The following PRKX variants were observed in gnomAD, a reference collection of about 807,000 sequenced individuals.
The protein encoded by PRKX is cAMP-dependent protein kinase catalytic subunit PRKX.
Under a neutral mutation model 22.0 loss-of-function variants are expected in PRKX, and 12 were observed. The ratio of observed to expected loss-of-function variants is 0.54; its 90% confidence interval spans 0.35 to 0.88. The LOEUF is 0.88. Ranked by LOEUF, PRKX falls within the 40% of genes least tolerant of loss-of-function variation. The probability of loss-of-function intolerance (pLI) is 0.01; values close to 1 mark genes in which losing one functional copy is unlikely to be tolerated. For synonymous variants in PRKX, 134 were observed against 137.7 expected (o/e 0.97, Z 0.19); for missense variants, 217 against 308.0 (o/e 0.70, Z 2.21).
chrX:3,652,625 C>A (rs1237721969), intron 3 of PRKX, among the ~76,000 whole-genome samples: 2 of 111,442 alleles, frequency 1.8e-5, no homozygotes, highest in African/African-American at 6.6e-5. Context: ...TAACTGTTTT[C>A]TCCTCAATGG....
At position 3,612,184 on chromosome X, in the gene PRKX, A is replaced by G; in HGVS notation, c.*16T>C. 8.3e-7 allele frequency: 1 copy of G among 1,204,569 alleles called. No individual in the cohort carries two copies. Among genetic ancestry groups the G allele is most frequent in the Non-Finnish European group, 1.1e-6 (1 of 892,158 alleles). On this transcript the variant is annotated 3_prime_UTR_variant, in exon 8 of 9. Transcript: ENST00000262848. ...CTAAATATAAAGATATACCTTCCAGATGTGAGCTCCTGTCCTCAGAAATTC... is the reference window on the plus strand; with the variant it reads ...CTAAATATAAAGATATACCTTCCAGGTGTGAGCTCCTGTCCTCAGAAATTC...
chrX:3,693,336 G>T (rs1252766355), intron 1 of PRKX, among the ~76,000 whole-genome samples: 3 of 111,461 alleles, frequency 2.7e-5, no homozygotes, highest in African/African-American at 9.8e-5. Context: ...TGGAGATGGA[G>T]GGTTAAAGTC....
At chrX:3,712,974 T>C (rs759548434) in intron 1 of PRKX, 114 bp downstream of exon 1, 2 of 886,964 alleles carry the variant, frequency 2.3e-6, no homozygotes, top group South Asian at 3.0e-5. Context: ...CGAGCCGAAG[T>C]AGCGGGTCAG....
intron 1 of PRKX, among the ~76,000 whole-genome samples, chrX:3,682,037 C>A (rs6641836): frequency 0.13 from 14,988 of 111,114 alleles, 943 homozygotes; most frequent in East Asian, 0.41. Flanking sequence ...AACACAGGGA[C>A]CGTGACATGG....
At position 3,658,692 on chromosome X, in the gene PRKX, A is replaced by C. The variant is rs1339702789; in HGVS notation, c.336-3280T>G. 5.4e-5 allele frequency among the ~76,000 whole-genome samples: 6 copies of C among 111,107 alleles called. No homozygotes were observed. The East Asian group carries it at 1.7e-3, about 31-fold the overall frequency. On this transcript the variant is annotated intron_variant, in intron 2 of 8. Transcript: ENST00000262848. ...AGACACCCAATAGAATCAGGAGCATAAAGGTCTTCAACCATGACCAGGACC... is the reference window on the plus strand; with the variant it reads ...AGACACCCAATAGAATCAGGAGCATCAAGGTCTTCAACCATGACCAGGACC...
chrX:3,666,185 C>G (rs1428205408), intron 2 of PRKX, among the ~76,000 whole-genome samples: 1 of 96,370 alleles, frequency 1.0e-5, no homozygotes. Context: ...GACAGAGTCT[C>G]GCTCTGTTAC....
intron 4 of PRKX, among the ~76,000 whole-genome samples, chrX:3,633,795 G>A (rs1926834177): frequency 9.0e-6 from 1 of 111,032 alleles, no homozygotes; most frequent in Non-Finnish European, 1.9e-5. Flanking sequence ...TCTGAGGACC[G>A]GGGCTGGCCT....
At chrX:3,675,840 C>T (rs962750851) in intron 1 of PRKX, among the ~76,000 whole-genome samples, 17 of 111,327 alleles carry the variant, frequency 1.5e-4, no homozygotes, top group African/African-American at 5.6e-4. Flanking sequence ...AGTGCAGTGG[C>T]GCCATCACAG....
intron 2 of PRKX, chrX:3,670,172 A>G (rs948707633): frequency 8.1e-6 from 1 of 123,998 alleles, no homozygotes; most frequent in African/African-American, 3.2e-5. Context: ...TGAGCAAGGC[A>G]ACTTACATTT....
intron 6 of PRKX, among the ~76,000 whole-genome samples, chrX:3,618,406 T>C (rs1313600727): frequency 4.5e-5 from 5 of 111,352 alleles, no homozygotes; most frequent in Middle Eastern, 4.6e-3. Flanking sequence ...TCACTTGAGC[T>C]CAGGAGCTCG....
intron 4 of PRKX, among the ~76,000 whole-genome samples, chrX:3,628,469 T>C (rs1249695076): frequency 1.8e-5 from 2 of 112,186 alleles, no homozygotes; most frequent in African/African-American, 6.5e-5. Context: ...GATTACTCCA[T>C]TCTTTGTATC....
chrX:3,614,226 A>G (rs6420577), intron 7 of PRKX, among the ~76,000 whole-genome samples: 52,452 of 111,634 alleles, frequency 0.47, 9,700 homozygotes, highest in African/African-American at 0.7. Flanking sequence ...GGCCGGGTGC[A>G]GCGGCTCATG....
chrX:3,664,677 T>A, intron 2 of PRKX, among the ~76,000 whole-genome samples: 1 of 112,381 alleles, frequency 8.9e-6, no homozygotes, highest in Admixed American at 9.4e-5. Flanking sequence ...GGGATGGAAC[T>A]GGAAACCACT....
Position 3,693,864 on chromosome X carries a change from C to T in PRKX, c.167-19098G>A, listed in dbSNP as rs1243061740. ...CTGAGGCAGGAGAATGGCGTGAACC[C>T]GGGAGGTGGAGCTTGCAGTGAGCCG... On this transcript the variant is annotated intron_variant, in intron 1 of 8. Coordinates refer to ENST00000262848, the MANE Select transcript of PRKX (RefSeq NM_005044.5). Among the ~76,000 whole-genome samples, 12 of 97,705 alleles carry T rather than the reference C, an allele frequency of 1.2e-4. No individual in the cohort carries two copies. In the East Asian group the frequency reaches 2.1e-3, roughly 17 times the overall value. 84.8% of individuals were successfully genotyped at this position (97,705 alleles called of 115,157 possible).
At chrX:3,690,730 C>CA (rs1359696805) in intron 1 of PRKX, among the ~76,000 whole-genome samples, 1 of 111,707 alleles carries the variant, frequency 9.0e-6, no homozygotes, top group East Asian at 2.8e-4. Context: ...GACCCTGTCC[C>CA]AAAAAACAAC....
intron 1 of PRKX, among the ~76,000 whole-genome samples, chrX:3,684,021 G>C (rs1483285764): frequency 8.9e-6 from 1 of 111,793 alleles, no homozygotes; most frequent in East Asian, 2.8e-4. Context: ...GGGAGGCCAA[G>C]GCAGGTGGAT....
chrX:3,679,100 C>T (rs1426071263), intron 1 of PRKX, among the ~76,000 whole-genome samples: 1 of 111,313 alleles, frequency 9.0e-6, no homozygotes, highest in Non-Finnish European at 1.9e-5. Context: ...GGTCCATGTG[C>T]AGGTTCATTA....
At chrX:3,678,186 C>T (rs1174415854) in intron 1 of PRKX, among the ~76,000 whole-genome samples, 2 of 112,136 alleles carry the variant, frequency 1.8e-5, no homozygotes, top group African/African-American at 6.5e-5. Context: ...AACAGAGTAA[C>T]CTTTTAACCT....
intron 7 of PRKX, among the ~76,000 whole-genome samples, chrX:3,614,815 TA>T (rs1435491514): frequency 3.6e-5 from 4 of 110,288 alleles, no homozygotes. Context: ...AGCTGATGGA[TA>T]CCCTGGTTAC....
Sources: allele counts gnomAD v4.1 joint callset (sites outside exome capture counted in the v4.1 genomes callset), GRCh38; gene constraint gnomAD v4.1.1; transcripts MANE v1.5; gene names NCBI Gene and HGNC (gene_info 2026-07-23, HGNC 2026-07-21).